Variants in MTRF1 observed in about 807,000 individuals in gnomAD.
MTRF1 encodes mitochondrial translation release factor 1, also known as peptide chain release factor 1, mitochondrial.
A neutral mutation model predicts 62.9 loss-of-function variants in MTRF1; 51 were observed. The observed-to-expected ratio is 0.81, with a 90% CI of 0.65 to 1.02. The LOEUF (loss-of-function observed/expected upper bound fraction) is 1.02. Among genes scored for constraint, MTRF1 ranks in the 50% least tolerant of loss-of-function variants. The pLI is 0.00. For missense variants in MTRF1, 446 were observed against 530.0 expected, an observed-to-expected ratio of 0.84 and a Z score of 1.56; for synonymous variants, 158 against 181.9, an observed-to-expected ratio of 0.87 and a Z score of 1.06.
the MTRF1 span, among the ~76,000 whole-genome samples, chr13:41,284,800 C>T: frequency 1.3e-5 from 2 of 152,044 alleles, no homozygotes; most frequent in East Asian, 3.9e-4. Context: ...ATTGCTGGCA[C>T]CCGCCACCAC....
the MTRF1 span, among the ~76,000 whole-genome samples, chr13:41,279,835 C>A: frequency 3.7e-4 from 56 of 152,138 alleles, no homozygotes; most frequent in Non-Finnish European, 7.2e-4. Flanking sequence ...AACTAAGAGG[C>A]ACCCTTTTAG....
At chr13:41,275,170 C>G in the MTRF1 span, among the ~76,000 whole-genome samples, 1 of 151,818 alleles carries the variant, frequency 6.6e-6, no homozygotes, top group African/African-American at 2.4e-5. Context: ...TCAGACAATT[C>G]TGATGTTAGT....
intron 9 of MTRF1, among the ~76,000 whole-genome samples, chr13:41,222,486 A>C (rs73473132): frequency 0.025 from 3,805 of 152,254 alleles, 180 homozygotes; most frequent in African/African-American, 0.086. Context: ...AAAATGATGG[A>C]GTATCATTCT....
the MTRF1 span, among the ~76,000 whole-genome samples, chr13:41,273,128 C>G: frequency 3.3e-5 from 5 of 151,928 alleles, no homozygotes; most frequent in Non-Finnish European, 7.4e-5. Context: ...AGATCGAGAC[C>G]ATCCTAGCTA....
intron 9 of MTRF1, among the ~76,000 whole-genome samples, chr13:41,219,423 G>C (rs1181741450): frequency 6.6e-6 from 1 of 152,132 alleles, no homozygotes; most frequent in East Asian, 1.9e-4. Flanking sequence ...GGATTAACCA[G>C]AGTGCAGGAG....
chr13:41,231,814 G>A (rs1358841132), intron 7 of MTRF1, among the ~76,000 whole-genome samples: 1 of 151,240 alleles, frequency 6.6e-6, no homozygotes, highest in Non-Finnish European at 1.5e-5. Context: ...GCTGAGGCAG[G>A]CAGATCACTT....
Position 41,263,492 on chromosome 13 carries a change from AAAG to A in MTRF1, c.-19_-17del, listed in dbSNP as rs1208582804. 6.5e-6 allele frequency: 2 copies of A among 306,076 alleles called. No individual in the cohort carries two copies. The highest frequency in any genetic ancestry group is 4.1e-5 in the Admixed American group (1 of 24,432). The allele number at this position is 306,076 out of a possible 1,614,324, so 19.0% of individuals were successfully genotyped here. On this transcript the variant is annotated 5_prime_UTR_variant, in exon 1 of 10. Coordinates refer to ENST00000379480, the MANE Select transcript of MTRF1 (RefSeq NM_004294.4). ...GGAAAGAACTGTGAGTACCTAAGAA[AAAG>A]AAGAATACACGTTAGCTCTCTTTAC...
chr13:41,236,483 T>C (rs2036600370), intron 6 of MTRF1: 1 of 152,212 alleles, frequency 6.6e-6, no homozygotes. Context: ...TTAGTGTGAA[T>C]GACAGAAAGC....
chr13:41,259,462 GGCC>G (rs2040136345), intron 2 of MTRF1, among the ~76,000 whole-genome samples: 1 of 152,114 alleles, frequency 6.6e-6, no homozygotes, highest in Non-Finnish European at 1.5e-5. Flanking sequence ...CACATTGGGA[GGCC>G]AAGGTGGGTG....
the MTRF1 span, among the ~76,000 whole-genome samples, chr13:41,269,300 A>C: frequency 6.7e-6 from 1 of 149,748 alleles, no homozygotes; most frequent in African/African-American, 2.5e-5. Context: ...CTCGAGTTCA[A>C]GCAATTTTCC....
At chr13:41,301,232 G>C in the MTRF1 span, among the ~76,000 whole-genome samples, 5 of 152,230 alleles carry the variant, frequency 3.3e-5, no homozygotes, top group East Asian at 9.7e-4. Flanking sequence ...CATTCACCAG[G>C]GGATAGGAAA....
chr13:41,253,296 A>T (rs1356122971), intron 3 of MTRF1, among the ~76,000 whole-genome samples: 2 of 152,212 alleles, frequency 1.3e-5, no homozygotes, highest in Non-Finnish European at 2.9e-5. Context: ...AGAAGTTCAG[A>T]TCAAAGTCCA....
chr13:41,270,229 T>C, the MTRF1 span, among the ~76,000 whole-genome samples: 1 of 152,338 alleles, frequency 6.6e-6, no homozygotes, highest in East Asian at 1.9e-4. Flanking sequence ...TGTTGGCAAT[T>C]TTTATGACAT....
intron 2 of MTRF1, among the ~76,000 whole-genome samples, 188 bp downstream of exon 2, chr13:41,260,305 G>A (rs1431115334): frequency 6.6e-6 from 1 of 152,024 alleles, no homozygotes; most frequent in African/African-American, 2.4e-5. Context: ...AGTGAGCTAC[G>A]ATTGAGTCAC....
At chr13:41,252,915 T>A (rs779356973) in intron 4 of MTRF1, 34 bp downstream of exon 4, 1 of 1,505,408 alleles carries the variant, frequency 6.6e-7, no homozygotes, top group South Asian at 1.2e-5. Flanking sequence ...AAGGACTTTT[T>A]AGATCATTTA....
At chr13:41,248,904 A>T (rs1593924185) in intron 5 of MTRF1, among the ~76,000 whole-genome samples, 1 of 152,098 alleles carries the variant, frequency 6.6e-6, no homozygotes, top group Non-Finnish European at 1.5e-5. Context: ...TAGAGCCATT[A>T]CCCTCCACTG....
the MTRF1 span, among the ~76,000 whole-genome samples, chr13:41,274,749 C>T: frequency 6.6e-6 from 1 of 151,632 alleles, no homozygotes; most frequent in Non-Finnish European, 1.5e-5. Context: ...GATTCTTGTG[C>T]CTCACCCTCC....
chr13:41,219,248 G>A (rs957673380), intron 9 of MTRF1, among the ~76,000 whole-genome samples: 6 of 150,318 alleles, frequency 4.0e-5, no homozygotes, highest in Admixed American at 6.7e-5. Flanking sequence ...CCGAGATTGC[G>A]CCGCTGCACT....
chr13:41,311,609 C>T, the MTRF1 span: 16 of 1,591,094 alleles, frequency 1.0e-5, no homozygotes, highest in East Asian at 6.9e-5. Context: ...CGCGCTGCCG[C>T]CCCCCGGTCC....
Sources: allele counts gnomAD v4.1 joint callset (sites outside exome capture counted in the v4.1 genomes callset), GRCh38; gene constraint gnomAD v4.1.1; transcripts MANE v1.5; gene names NCBI Gene and HGNC (gene_info 2026-07-23, HGNC 2026-07-21).